The following TBC1D22A variants were observed in gnomAD, a reference collection of about 807,000 sequenced individuals.
The protein encoded by TBC1D22A is TBC1 domain family member 22A.
Under a neutral mutation model 60.2 loss-of-function variants are expected in TBC1D22A, and 38 were observed. That is an observed-to-expected ratio of 0.63 (90% CI 0.49 to 0.83). TBC1D22A has a LOEUF of 0.83. TBC1D22A is among the 40% of genes least tolerant of loss of function. The pLI, the probability that TBC1D22A is intolerant of heterozygous loss-of-function variation, is 0.00. For synonymous variants in TBC1D22A, 302 were observed against 281.7 expected (o/e 1.07, Z -0.72); for missense variants, 628 against 701.0 (o/e 0.90, Z 1.18).
Position 46,802,473 on chromosome 22 carries a change from G to A in TBC1D22A, c.637+4853G>A, listed in dbSNP as rs115332341. Among the ~76,000 whole-genome samples the A allele has an allele frequency of 3.3e-3, 509 of 152,356 alleles. 4 individuals are homozygous for A. Among genetic ancestry groups the A allele is most frequent in the African/African-American group, 0.012 (481 of 41,584 alleles). The stretch of plus-strand genomic sequence containing the variant: ...GCCCAGAGGTGCAAAGGTCCTGCGG[G>A]CAATAGAGCTTCATGTGCTTGAGGG... On this transcript the variant is annotated intron_variant, in intron 4 of 12. Transcript: ENST00000337137.
chr22:47,133,345 C>T (rs1334336611), intron 12 of TBC1D22A, among the ~76,000 whole-genome samples: 3 of 152,104 alleles, frequency 2.0e-5, no homozygotes, highest in Non-Finnish European at 4.4e-5. Context: ...TTTTAATATG[C>T]TTGGGGTGGG....
chr22:46,813,746 G>C (rs998357510), intron 4 of TBC1D22A, among the ~76,000 whole-genome samples: 4 of 152,200 alleles, frequency 2.6e-5, no homozygotes, highest in Admixed American at 2.0e-4. Flanking sequence ...GGGAGCAGGT[G>C]GGCCTTCAGG....
chr22:46,946,728 T>C (rs954426494), intron 8 of TBC1D22A, among the ~76,000 whole-genome samples: 10 of 152,212 alleles, frequency 6.6e-5, no homozygotes, highest in African/African-American at 2.4e-4. Flanking sequence ...CCTCAGCTGC[T>C]GTTGCAGCAA....
At chr22:46,835,843 C>T (rs761207365) in intron 4 of TBC1D22A, among the ~76,000 whole-genome samples, 4 of 152,074 alleles carry the variant, frequency 2.6e-5, no homozygotes, top group Non-Finnish European at 4.4e-5. Flanking sequence ...AACAGAAAAG[C>T]AACTTGTCAT....
chr22:47,151,169 T>C (rs1414204689), intron 12 of TBC1D22A, among the ~76,000 whole-genome samples: 4 of 152,140 alleles, frequency 2.6e-5, no homozygotes, highest in African/African-American at 9.7e-5. Context: ...AGCCTGGCTG[T>C]GCGGGCCCAG....
At chr22:46,792,617 T>C (rs760846981) in intron 2 of TBC1D22A, 41 bp downstream of exon 2, 19 of 1,614,052 alleles carry the variant, frequency 1.2e-5, no homozygotes, top group Non-Finnish European at 1.5e-5. Flanking sequence ...TCGGCTCTGA[T>C]ATGGGAGGGC....
intron 6 of TBC1D22A, among the ~76,000 whole-genome samples, chr22:46,894,347 C>T (rs1391189886): frequency 3.9e-5 from 6 of 152,180 alleles, no homozygotes; most frequent in African/African-American, 1.4e-4. Flanking sequence ...TCTAGATTCC[C>T]CCAGGACTTC....
intron 11 of TBC1D22A, among the ~76,000 whole-genome samples, chr22:47,096,693 A>ATG: frequency 6.6e-6 from 1 of 152,262 alleles, no homozygotes; most frequent in Non-Finnish European, 1.5e-5. Context: ...GTAGTGGCGC[A>ATG]TGCCTGTAAG....
intron 11 of TBC1D22A, among the ~76,000 whole-genome samples, chr22:47,092,668 G>A (rs1389217491): frequency 6.6e-6 from 1 of 152,218 alleles, no homozygotes; most frequent in East Asian, 1.9e-4. Context: ...CAGAACGTGG[G>A]TCGCTCACTG....
chr22:46,896,736 G>T (rs891798036), intron 7 of TBC1D22A, among the ~76,000 whole-genome samples: 1 of 152,088 alleles, frequency 6.6e-6, no homozygotes, highest in Admixed American at 6.5e-5. Context: ...GCTTCATGAC[G>T]TCCTCCTACC....
At chr22:47,036,297 G>T (rs1029780540) in intron 10 of TBC1D22A, among the ~76,000 whole-genome samples, 5 of 152,226 alleles carry the variant, frequency 3.3e-5, no homozygotes, top group African/African-American at 1.2e-4. Flanking sequence ...TGGGCAGAAT[G>T]TTGGAAAGAG....
At chr22:47,155,891 T>C (rs2067696210) in intron 12 of TBC1D22A, among the ~76,000 whole-genome samples, 1 of 152,248 alleles carries the variant, frequency 6.6e-6, no homozygotes. Context: ...GCATTGAGTG[T>C]GATAGAAAGG....
chr22:47,134,626 G>A (rs527775348), intron 12 of TBC1D22A, among the ~76,000 whole-genome samples: 15 of 152,356 alleles, frequency 9.8e-5, no homozygotes, highest in Non-Finnish European at 1.5e-5. Flanking sequence ...GGCAGCCTGG[G>A]AGTGTCCTGT....
intron 10 of TBC1D22A, among the ~76,000 whole-genome samples, chr22:47,003,952 C>A (rs563946196): frequency 1.4e-5 from 2 of 139,322 alleles, no homozygotes; most frequent in Non-Finnish European, 3.0e-5. Flanking sequence ...ACACACCCTA[C>A]GCACGCATGC....
At chr22:46,835,685 C>T (rs1202659137) in intron 4 of TBC1D22A, among the ~76,000 whole-genome samples, 3 of 152,012 alleles carry the variant, frequency 2.0e-5, no homozygotes, top group South Asian at 2.1e-4. Context: ...GAAATAAGAA[C>T]AAAAAATGTC....
chr22:46,853,859 G>C (rs1168068696), intron 4 of TBC1D22A, among the ~76,000 whole-genome samples: 1 of 152,176 alleles, frequency 6.6e-6, no homozygotes, highest in Non-Finnish European at 1.5e-5. Context: ...CTGGGCGCAG[G>C]CAGTTTTGGA....
At chr22:46,830,297 C>T (rs1381676583) in intron 4 of TBC1D22A, among the ~76,000 whole-genome samples, 1 of 152,232 alleles carries the variant, frequency 6.6e-6, no homozygotes, top group Non-Finnish European at 1.5e-5. Context: ...GACTTCTCTC[C>T]ACTCACACTA....
intron 4 of TBC1D22A, among the ~76,000 whole-genome samples, chr22:46,827,422 T>TAAA (rs2086117591): frequency 6.6e-6 from 1 of 152,254 alleles, no homozygotes; most frequent in Non-Finnish European, 1.5e-5. Flanking sequence ...AAAACATGAC[T>TAAA]ACCTCACCCA....
intron 11 of TBC1D22A, among the ~76,000 whole-genome samples, chr22:47,058,944 G>T (rs77639420): frequency 0.04 from 6,095 of 152,236 alleles, 150 homozygotes; most frequent in South Asian, 0.063. Flanking sequence ...CCCTCCCTCA[G>T]TTGAGGGTGA....
Sources: gnomAD v4.1 joint callset for allele counts (sites outside exome capture counted in the v4.1 genomes callset) on GRCh38, gnomAD v4.1.1 for gene constraint, MANE v1.5 for transcripts, NCBI Gene and HGNC (gene_info 2026-07-23, HGNC 2026-07-21) for gene names.